The following ACTN4 variants were observed in gnomAD, a reference collection of about 807,000 sequenced individuals.
ACTN4 encodes alpha-actinin-4.
ACTN4 carries 18 observed loss-of-function variants against 114.2 expected under a neutral mutation model. The observed-to-expected ratio is 0.16, with a 90% CI of 0.11 to 0.23. The LOEUF (loss-of-function observed/expected upper bound fraction) is 0.23, where lower values mean the gene tolerates loss of function less well. Among genes scored for constraint, ACTN4 ranks in the 10% least tolerant of loss-of-function variants. The probability of loss-of-function intolerance (pLI) is 1.00; values close to 1 mark genes in which losing one functional copy is unlikely to be tolerated. For synonymous variants in ACTN4, 515 were observed against 506.3 expected, an observed-to-expected ratio of 1.02 and a Z score of -0.23; for missense variants, 722 against 1,262.9, an observed-to-expected ratio of 0.57 and a Z score of 6.49.
intron 1 of ACTN4, among the ~76,000 whole-genome samples, chr19:38,662,899 A>G (rs1293133694): frequency 6.7e-6 from 1 of 150,368 alleles, no homozygotes; most frequent in Non-Finnish European, 1.5e-5. Context: ...CTGCTGAGCA[A>G]AGTGGGTCTG....
chr19:38,656,620 A>T (rs372775542), intron 1 of ACTN4, among the ~76,000 whole-genome samples: 3 of 152,196 alleles, frequency 2.0e-5, no homozygotes, highest in Non-Finnish European at 4.4e-5. Flanking sequence ...GGCAGTTACT[A>T]CCCTGCAGAA....
intron 1 of ACTN4, among the ~76,000 whole-genome samples, chr19:38,690,273 A>G (rs932179632): frequency 2.0e-5 from 3 of 152,116 alleles, no homozygotes; most frequent in African/African-American, 7.2e-5. Flanking sequence ...ACCATCCTTC[A>G]CTGCTGTTCA....
At chr19:38,654,395 C>G (rs1976652504) in intron 1 of ACTN4, among the ~76,000 whole-genome samples, 1 of 152,006 alleles carries the variant, frequency 6.6e-6, no homozygotes, top group African/African-American at 2.4e-5. Flanking sequence ...AACCCCATCT[C>G]TACTAAAATG....
chr19:38,717,343 A>C lies in ACTN4; in HGVS notation c.1143+27A>C. On this transcript the variant is annotated intron_variant, in intron 10 of 20. Transcript: ENST00000252699. This position sits in a 1 kb window ranked among gnomAD's most constrained non-coding sequence, Gnocchi z 4.0. ...TGAGCACCAGGATTCACATGGGAGC[A>C]GCTGTGAGGGGCAGAGGCAGCCCTA... 6.2e-7 allele frequency: 1 copy of C among 1,609,738 alleles called. No individual in the cohort carries two copies. The highest frequency in any genetic ancestry group is 8.5e-7 in the Non-Finnish European group (1 of 1,178,400).
intron 1 of ACTN4, among the ~76,000 whole-genome samples, chr19:38,691,768 T>TG (rs1325507736): frequency 1.3e-5 from 2 of 151,748 alleles, no homozygotes; most frequent in African/African-American, 2.4e-5. Context: ...CCGGGTGTGA[T>TG]GGTGGGTGCC....
intron 1 of ACTN4, among the ~76,000 whole-genome samples, chr19:38,654,258 C>G (rs1057510773): frequency 6.6e-6 from 1 of 152,074 alleles, no homozygotes; most frequent in Non-Finnish European, 1.5e-5. Context: ...GGAAGGATCC[C>G]GCCTCCTCCA....
chr19:38,659,627 A>G (rs1976819830), intron 1 of ACTN4, among the ~76,000 whole-genome samples: 1 of 152,202 alleles, frequency 6.6e-6, no homozygotes. Flanking sequence ...GGGCCTCTTT[A>G]ATAAACAAGC....
intron 1 of ACTN4, among the ~76,000 whole-genome samples, chr19:38,654,911 T>C (rs536797511): frequency 6.6e-6 from 1 of 152,156 alleles, no homozygotes; most frequent in Non-Finnish European, 1.5e-5. Flanking sequence ...GCAAGTGTTA[T>C]CTGAAGGCGA....
intron 8 of ACTN4, among the ~76,000 whole-genome samples, chr19:38,713,269 G>A (rs536287918): frequency 2.4e-4 from 36 of 152,288 alleles, no homozygotes; most frequent in African/African-American, 8.4e-4. Context: ...CCAGTGCACT[G>A]AGCCCCAAGC....
chr19:38,666,379 T>C (rs950354770), intron 1 of ACTN4, among the ~76,000 whole-genome samples: 5 of 152,032 alleles, frequency 3.3e-5, no homozygotes, highest in Admixed American at 2.6e-4. Flanking sequence ...GGTGGGGCGG[T>C]GCAGCCTTGT....
chr19:38,709,840 C>T (rs1968584241), intron 7 of ACTN4, among the ~76,000 whole-genome samples: 1 of 152,212 alleles, frequency 6.6e-6, no homozygotes, highest in South Asian at 2.1e-4. Flanking sequence ...CCCTCCCTAC[C>T]TGCAGCAGGC....
At chr19:38,690,896 A>G (rs1475721156) in intron 1 of ACTN4, among the ~76,000 whole-genome samples, 1 of 152,232 alleles carries the variant, frequency 6.6e-6, no homozygotes. Context: ...TAAAGAGTAC[A>G]TGAAAGAGAG....
chr19:38,698,345 C>A (rs1236422343), intron 1 of ACTN4, among the ~76,000 whole-genome samples: 1 of 152,152 alleles, frequency 6.6e-6, no homozygotes, highest in Non-Finnish European at 1.5e-5. Flanking sequence ...GTGGTGTAAG[C>A]ATGGTTCCCG....
Position 38,729,454 on chromosome 19 carries a change from C to CA in ACTN4, c.*23dup. The CA allele has an allele frequency of 1.2e-6, 2 of 1,612,362 alleles. No individual in the cohort carries two copies. The highest frequency in any genetic ancestry group is 3.3e-4 in the Middle Eastern group (2 of 6,056). ...GTGAGGCCCCAGAGACCTGACCCAACACCCCCGACGGCCTCCAGGAGGGGC... is the reference window on the plus strand; with the variant it reads ...GTGAGGCCCCAGAGACCTGACCCAACAACCCCCGACGGCCTCCAGGAGGGGC... On this transcript the variant is annotated 3_prime_UTR_variant, in exon 21 of 21. Coordinates refer to ENST00000252699, the MANE Select transcript of ACTN4 (RefSeq NM_004924.6).
At position 38,730,998 on chromosome 19, in the gene ACTN4, C is replaced by T; in HGVS notation, c.*1566C>T. On this transcript the variant is annotated 3_prime_UTR_variant, in exon 21 of 21. Coordinates refer to ENST00000252699, the MANE Select transcript of ACTN4 (RefSeq NM_004924.6). ...GGGTCAGGCAGATGACCCCCTCACC[C>T]CCATCCAGGTGCTGGCTGCAGTGGC... 6.4e-7 allele frequency: 1 copy of T among 1,551,960 alleles called. No homozygotes were observed.
intron 1 of ACTN4, among the ~76,000 whole-genome samples, chr19:38,688,901 C>T (rs1194509420): frequency 6.6e-6 from 1 of 152,150 alleles, no homozygotes; most frequent in Middle Eastern, 3.2e-3. Context: ...CTGGCAGTTC[C>T]TCAAAATTTA....
chr19:38,729,241 G>A (rs770534228), intron 20 of ACTN4, 33 bp from the exon 21 acceptor site: 5 of 1,612,378 alleles, frequency 3.1e-6, no homozygotes, highest in Admixed American at 1.7e-5. Flanking sequence ...GTGTGGGTGG[G>A]GATGGCTCAG....
chr19:38,679,559 T>G (rs1205620444), intron 1 of ACTN4, among the ~76,000 whole-genome samples: 1 of 111,674 alleles, frequency 9.0e-6, no homozygotes, highest in African/African-American at 3.0e-5. Flanking sequence ...TCAAATAGAT[T>G]TGGGTGTGCG....
At chr19:38,700,490 C>A in intron 1 of ACTN4, 110 bp from the exon 2 acceptor site, 1 of 865,970 alleles carries the variant, frequency 1.2e-6, no homozygotes, top group Non-Finnish European at 2.0e-6. Flanking sequence ...GCGAGTGCTC[C>A]GTGGCAGCTG....
Sources: gnomAD v4.1 joint callset for allele counts (sites outside exome capture counted in the v4.1 genomes callset) on GRCh38, gnomAD v4.1.1 for gene constraint, Gnocchi (gnomAD v3.1) non-coding constraint, MANE v1.5 for transcripts, NCBI Gene and HGNC (gene_info 2026-07-23, HGNC 2026-07-21) for gene names.